The following ADGRB3 variants were observed in gnomAD, a reference collection of about 807,000 sequenced individuals.
The protein encoded by ADGRB3 is brain-specific angiogenesis inhibitor 3.
A neutral mutation model predicts 193.4 loss-of-function variants in ADGRB3; 37 were observed. The ratio of observed to expected loss-of-function variants is 0.19; its 90% CI spans 0.15 to 0.25. The LOEUF (loss-of-function observed/expected upper bound fraction) is 0.25. ADGRB3 is among the 10% of genes least tolerant of loss of function. The pLI is 1.00. For missense variants in ADGRB3, 1,637 were observed against 1,852.9 expected (o/e 0.88, Z 2.14); for synonymous variants, 690 against 644.2 (o/e 1.07, Z -1.08).
intron 17 of ADGRB3, among the ~76,000 whole-genome samples, chr6:69,108,069 C>A (rs144755314): frequency 1.3e-5 from 2 of 151,424 alleles, no homozygotes; most frequent in Admixed American, 6.6e-5. Context: ...AAAAGTCAGC[C>A]GAAGAAGAAC....
intron 24 of ADGRB3, among the ~76,000 whole-genome samples, chr6:69,336,410 A>AT (rs35946396): frequency 0.21 from 31,403 of 148,232 alleles, 3,672 homozygotes; most frequent in African/African-American, 0.31. Flanking sequence ...ATTTCATGTG[A>AT]TTTTTTTTTT....
chr6:69,239,251 C>CT (rs1249979756), intron 20 of ADGRB3, 25 bp downstream of exon 20: 18 of 1,434,308 alleles, frequency 1.3e-5, no homozygotes, highest in Non-Finnish European at 1.7e-5. Context: ...TATTCTGATT[C>CT]TTTTTTTGTG....
chr6:69,221,528 G>A (rs867396388), intron 17 of ADGRB3, among the ~76,000 whole-genome samples: 1 of 151,876 alleles, frequency 6.6e-6, no homozygotes, highest in Non-Finnish European at 1.5e-5. Flanking sequence ...TTCTGTGAAC[G>A]CTTGTCAACT....
intron 17 of ADGRB3, among the ~76,000 whole-genome samples, chr6:69,222,844 A>T: frequency 6.6e-6 from 1 of 152,182 alleles, no homozygotes; most frequent in African/African-American, 2.4e-5. Context: ...AGAATTCAAT[A>T]GTTTCAAATG....
chr6:68,764,830 G>C (rs897905160), intron 3 of ADGRB3, among the ~76,000 whole-genome samples: 1 of 152,018 alleles, frequency 6.6e-6, no homozygotes, highest in African/African-American at 2.4e-5. Context: ...GCGTGGCCTC[G>C]TTTATTTATG....
chr6:68,679,852 A>C (rs1176262826), intron 3 of ADGRB3, among the ~76,000 whole-genome samples: 1 of 152,214 alleles, frequency 6.6e-6, no homozygotes, highest in South Asian at 2.1e-4. Flanking sequence ...AAACACTTAA[A>C]AAATAGTCAA....
At chr6:69,245,963 T>C (rs1347262507) in intron 20 of ADGRB3, among the ~76,000 whole-genome samples, 4 of 152,146 alleles carry the variant, frequency 2.6e-5, no homozygotes, top group African/African-American at 9.7e-5. Context: ...ATGAATCTAA[T>C]AGCTGTTGTT....
At chr6:68,851,441 G>T (rs1768400750) in intron 3 of ADGRB3, among the ~76,000 whole-genome samples, 1 of 151,786 alleles carries the variant, frequency 6.6e-6, no homozygotes, top group Admixed American at 6.6e-5. Context: ...TTTTAACCAA[G>T]AAGTAACTAT....
Position 69,048,564 on chromosome 6 carries a change from G to A in ADGRB3, c.2257+230G>A, listed in dbSNP as rs1277919619. Among the ~76,000 whole-genome samples, 6 of 151,838 alleles carry A rather than the reference G, an allele frequency of 4.0e-5. No homozygotes were observed. The South Asian group carries it at 6.2e-4, about 16-fold the overall frequency. On this transcript the variant is annotated intron_variant, in intron 14 of 31. Coordinates refer to ENST00000370598, the MANE Select transcript of ADGRB3 (RefSeq NM_001704.3). ...GAAAAATATACAAGTGCAAATTATC[G>A]ACCTGAGTTTGACATGGTCAAGTTT... is the stretch of plus-strand genomic sequence containing the variant.
At chr6:68,886,829 A>T (rs1352099606) in intron 3 of ADGRB3, among the ~76,000 whole-genome samples, 1 of 151,954 alleles carries the variant, frequency 6.6e-6, no homozygotes. Context: ...TAATCGCTTT[A>T]TATGTACTGT....
At chr6:68,863,243 TG>T (rs1456699753) in intron 3 of ADGRB3, among the ~76,000 whole-genome samples, 1 of 152,096 alleles carries the variant, frequency 6.6e-6, no homozygotes, top group Non-Finnish European at 1.5e-5. Flanking sequence ...AGATACTTTA[TG>T]TTATTCAAAT....
chr6:69,069,315 A>G (rs976288357), intron 16 of ADGRB3, among the ~76,000 whole-genome samples: 15 of 152,002 alleles, frequency 9.9e-5, no homozygotes, highest in African/African-American at 2.7e-4. Flanking sequence ...GTTAAAAGAC[A>G]TGACACTGAA....
chr6:69,063,074 A>G, intron 16 of ADGRB3, 38 bp downstream of exon 16: 1 of 1,454,360 alleles, frequency 6.9e-7, no homozygotes, highest in Non-Finnish European at 9.6e-7. Flanking sequence ...TGCTTATGGA[A>G]TTACCTTTCT....
At chr6:68,862,238 G>A (rs1315739600) in intron 3 of ADGRB3, among the ~76,000 whole-genome samples, 1 of 150,454 alleles carries the variant, frequency 6.6e-6, no homozygotes, top group African/African-American at 2.4e-5. Flanking sequence ...TCCAAAATCT[G>A]ACCATCTTTG....
chr6:69,264,234 A>G (rs1766987004), intron 20 of ADGRB3, among the ~76,000 whole-genome samples: 1 of 152,016 alleles, frequency 6.6e-6, no homozygotes, highest in Admixed American at 6.6e-5. Flanking sequence ...TGAAAGTTAA[A>G]TAAAACTAGG....
At chr6:68,656,292 A>T (rs939026558) in intron 3 of ADGRB3, among the ~76,000 whole-genome samples, 2 of 151,588 alleles carry the variant, frequency 1.3e-5, no homozygotes, top group African/African-American at 4.8e-5. Flanking sequence ...CTTTGTATTT[A>T]GGAGAGAATT....
chr6:68,830,820 G>T (rs1315417514), intron 3 of ADGRB3, among the ~76,000 whole-genome samples: 2 of 152,004 alleles, frequency 1.3e-5, no homozygotes, highest in Non-Finnish European at 2.9e-5. Flanking sequence ...GGGTCAGGGA[G>T]TGGGGAGGGA....
intron 23 of ADGRB3, chr6:69,331,922 T>A (rs770209228): frequency 9.8e-5 from 97 of 985,360 alleles, no homozygotes; most frequent in Admixed American, 6.1e-4. Context: ...CAGGAAACTA[T>A]GAAGAGTGAC....
intron 17 of ADGRB3, among the ~76,000 whole-genome samples, chr6:69,229,671 G>T (rs1766092041): frequency 6.6e-6 from 1 of 152,136 alleles, no homozygotes; most frequent in Non-Finnish European, 1.5e-5. Context: ...GTTTTGAAAT[G>T]TGTCACTATG....
Sources: allele counts gnomAD v4.1 joint callset (sites outside exome capture counted in the v4.1 genomes callset), GRCh38; gene constraint gnomAD v4.1.1; transcripts MANE v1.5; gene names NCBI Gene and HGNC (gene_info 2026-07-23, HGNC 2026-07-21).